PTPRN2: variants seen among roughly 807,000 people sequenced by gnomAD.
The protein encoded by PTPRN2 is receptor-type tyrosine-protein phosphatase N2.
In PTPRN2, 74 loss-of-function variants were observed where a neutral mutation model predicts 118.8. The ratio of observed to expected loss-of-function variants is 0.62; its 90% CI spans 0.52 to 0.76. The LOEUF (loss-of-function observed/expected upper bound fraction) is 0.76. Among genes scored for constraint, PTPRN2 ranks in the 30% least tolerant of loss-of-function variants. The pLI is 0.00. For synonymous variants in PTPRN2, 641 were observed against 608.0 expected (o/e 1.05, Z -0.80); for missense variants, 1,481 against 1,394.4 (o/e 1.06, Z -0.99).
At chr7:158,045,702 T>C (rs531372533) in intron 11 of PTPRN2, among the ~76,000 whole-genome samples, 10 of 151,054 alleles carry the variant, frequency 6.6e-5, no homozygotes, top group South Asian at 2.1e-4. Flanking sequence ...GCAGAACCTG[T>C]GATCCTGGCG....
chr7:158,424,220 C>T (rs1815498081), intron 2 of PTPRN2, among the ~76,000 whole-genome samples: 1 of 152,136 alleles, frequency 6.6e-6, no homozygotes, highest in Admixed American at 6.5e-5. Flanking sequence ...TGGCACCATC[C>T]CGTTCTGTTT....
chr7:158,483,006 G>A (rs941316015), intron 2 of PTPRN2, among the ~76,000 whole-genome samples: 4 of 152,148 alleles, frequency 2.6e-5, no homozygotes, highest in South Asian at 2.1e-4. Context: ...CCTTATCTCC[G>A]AAGACACAGA....
At chr7:158,435,560 C>A (rs1296586066) in intron 2 of PTPRN2, among the ~76,000 whole-genome samples, 1 of 152,192 alleles carries the variant, frequency 6.6e-6, no homozygotes, top group East Asian at 1.9e-4. Flanking sequence ...GATCCAGCAA[C>A]CCCACTCTGG....
chr7:157,825,357 A>G (rs975588169), intron 12 of PTPRN2, among the ~76,000 whole-genome samples: 1 of 152,154 alleles, frequency 6.6e-6, no homozygotes, highest in African/African-American at 2.4e-5. Flanking sequence ...GAGCGGCAGG[A>G]GTAGAACACC....
At chr7:157,628,151 T>C (rs1431705179) in intron 14 of PTPRN2, among the ~76,000 whole-genome samples, 1 of 152,222 alleles carries the variant, frequency 6.6e-6, no homozygotes, top group Non-Finnish European at 1.5e-5. Context: ...GCAAACCAAC[T>C]GGCTTCCACA....
intron 21 of PTPRN2, among the ~76,000 whole-genome samples, chr7:157,552,038 C>T (rs1401697518): frequency 1.3e-5 from 2 of 150,792 alleles, no homozygotes; most frequent in Non-Finnish European, 3.0e-5. Flanking sequence ...ACAGCTGGCA[C>T]ACACCCCATG....
chr7:157,823,244 C>T (rs60298252), intron 12 of PTPRN2, among the ~76,000 whole-genome samples: 15,460 of 152,162 alleles, frequency 0.1, 1,347 homozygotes, highest in African/African-American at 0.22. Flanking sequence ...CCTTAAAACA[C>T]ATAAATACCT....
chr7:157,715,937 C>T (rs1798881264), intron 12 of PTPRN2, among the ~76,000 whole-genome samples: 1 of 152,264 alleles, frequency 6.6e-6, no homozygotes, highest in Non-Finnish European at 1.5e-5. Flanking sequence ...GGAGGTACAG[C>T]TACACCAGCT....
chr7:158,278,307 AG>A (rs1357206609), intron 3 of PTPRN2, among the ~76,000 whole-genome samples: 1 of 151,920 alleles, frequency 6.6e-6, no homozygotes, highest in African/African-American at 2.4e-5. Context: ...TCCCAAGACC[AG>A]CCTGTGCAAC....
intron 21 of PTPRN2, among the ~76,000 whole-genome samples, chr7:157,562,134 C>T (rs1016433603): frequency 1.1e-4 from 16 of 152,322 alleles, no homozygotes; most frequent in Middle Eastern, 3.4e-3. Flanking sequence ...CAAGGGGGAT[C>T]GGCAGTGGCC....
intron 2 of PTPRN2, among the ~76,000 whole-genome samples, chr7:158,322,104 C>T (rs1410800267): frequency 1.3e-5 from 2 of 152,194 alleles, no homozygotes; most frequent in Admixed American, 6.5e-5. Context: ...TGCAAAGCCC[C>T]TTCCTGTTCT....
At chr7:157,692,352 C>G (rs1272119546) in intron 12 of PTPRN2, among the ~76,000 whole-genome samples, 2 of 152,298 alleles carry the variant, frequency 1.3e-5, no homozygotes, top group East Asian at 3.9e-4. Context: ...CTCCCTTGCA[C>G]TCTGGCGCTG....
Position 157,627,258 on chromosome 7 carries a change from T to G in PTPRN2, c.2197-5749A>C. Among the ~76,000 whole-genome samples the G allele has an allele frequency of 1.3e-5, 2 of 152,214 alleles. 1 individual carries two copies. Among genetic ancestry groups the G allele is most frequent in the East Asian group, 3.9e-4 (2 of 5,192 alleles). ...CCGTGTCCCACTTCACACAGCTCCTTGCTCTGGGCTCTCCGTCAGTGCCTC... is the reference window on the plus strand; with the variant it reads ...CCGTGTCCCACTTCACACAGCTCCTGGCTCTGGGCTCTCCGTCAGTGCCTC... On this transcript the variant is annotated intron_variant, in intron 14 of 22. Coordinates refer to ENST00000389418, the MANE Select transcript of PTPRN2 (RefSeq NM_002847.5). This position sits in a 1 kb window ranked among gnomAD's most constrained non-coding sequence, Gnocchi z 4.2.
intron 3 of PTPRN2, among the ~76,000 whole-genome samples, chr7:158,225,885 G>A (rs1039614400): frequency 6.8e-6 from 1 of 146,106 alleles, no homozygotes. Context: ...ATGACATGGG[G>A]AGGGAGGTGG....
At chr7:158,573,111 T>C (rs1268199307) in intron 1 of PTPRN2, among the ~76,000 whole-genome samples, 1 of 152,216 alleles carries the variant, frequency 6.6e-6, no homozygotes, top group African/African-American at 2.4e-5. Context: ...ATGTATTTCT[T>C]CCCTCATTTT....
rs555273360 is a variant in PTPRN2, at chr7:158,443,073, C to A, written c.163+46662G>T. On this transcript the variant is annotated intron_variant, in intron 2 of 22. Coordinates refer to ENST00000389418, the MANE Select transcript of PTPRN2 (RefSeq NM_002847.5). ...AAAAAAAAAAAAAAGCAAAAAAACA[C>A]CTTTTTTGTTCCCTTTAAACCAGAA... Among the ~76,000 whole-genome samples the A allele has an allele frequency of 4.7e-5, 7 of 149,874 alleles. No individual in the cohort carries two copies. In the South Asian group the frequency reaches 1.5e-3, roughly 32 times the overall value.
At chr7:158,342,590 C>T (rs200695267) in intron 2 of PTPRN2, among the ~76,000 whole-genome samples, 1 of 151,970 alleles carries the variant, frequency 6.6e-6, no homozygotes, top group African/African-American at 2.4e-5. Flanking sequence ...GTCGCTCACA[C>T]CCACACTCTC....
At chr7:157,548,570 C>G (rs991274928) in intron 22 of PTPRN2, among the ~76,000 whole-genome samples, 1 of 152,226 alleles carries the variant, frequency 6.6e-6, no homozygotes, top group Non-Finnish European at 1.5e-5. Context: ...GCGCAGGCCC[C>G]GGAGAGGCCG....
chr7:158,340,301 G>A (rs62481707), intron 2 of PTPRN2, among the ~76,000 whole-genome samples: 71,972 of 78,012 alleles, frequency 0.92, 33,983 homozygotes, highest in Non-Finnish European at 0.95. Context: ...TCTCACCATA[G>A]GAGCTGACAC....
Sources: allele counts gnomAD v4.1 joint callset (sites outside exome capture counted in the v4.1 genomes callset), GRCh38; gene constraint gnomAD v4.1.1; non-coding constraint Gnocchi (gnomAD v3.1); transcripts MANE v1.5; gene names NCBI Gene and HGNC (gene_info 2026-07-23, HGNC 2026-07-21).